The following KCTD1 variants were observed in gnomAD, a reference collection of about 807,000 sequenced individuals.
KCTD1 encodes BTB/POZ domain-containing protein KCTD1.
Under a neutral mutation model 66.0 loss-of-function variants are expected in KCTD1, and 24 were observed. The observed-to-expected ratio is 0.36, with a 90% CI of 0.26 to 0.51. The LOEUF is 0.51. Ranked by LOEUF, KCTD1 falls within the 20% of genes least tolerant of loss-of-function variation. The probability of loss-of-function intolerance (pLI) is 0.95; values close to 1 mark genes in which losing one functional copy is unlikely to be tolerated. For synonymous variants in KCTD1, 511 were observed against 517.2 expected (o/e 0.99, Z 0.16); for missense variants, 943 against 1,205.2 (o/e 0.78, Z 3.22).
chr18:26,618,766 C>A (rs1487919122), intron 1 of KCTD1, among the ~76,000 whole-genome samples: 2 of 152,212 alleles, frequency 1.3e-5, no homozygotes, highest in Non-Finnish European at 2.9e-5. Context: ...CTATTTTCAA[C>A]TATTTTCCAA....
In KCTD1 at chr18:26,534,220, C is replaced by A. The variant is rs942875466; in HGVS notation, c.1809+12508G>T. ...TACTTAGAGTTTGTTCAAAATTAAT[C>A]CTTTAAATATTTTACATAAAGCATA... On this transcript the variant is annotated intron_variant, in intron 1 of 4. Coordinates refer to ENST00000580059, the MANE Select transcript of KCTD1 (RefSeq NM_001142730.3). Among the ~76,000 whole-genome samples, 4 of 151,928 alleles carry A rather than the reference C, an allele frequency of 2.6e-5. 1 individual carries two copies. The highest frequency in any genetic ancestry group is 9.6e-5 in the African/African-American group (4 of 41,478).
At chr18:26,643,986 G>T (rs1278315968), upstream of KCTD1, among the ~76,000 whole-genome samples, 2 of 151,992 alleles carry the variant, frequency 1.3e-5, no homozygotes, top group Non-Finnish European at 2.9e-5. Flanking sequence ...GCCTGCTAAG[G>T]TGAGCTAACA....
chr18:26,510,828 T>C (rs769838868), intron 1 of KCTD1, among the ~76,000 whole-genome samples: 4 of 152,222 alleles, frequency 2.6e-5, no homozygotes, highest in Non-Finnish European at 5.9e-5. Context: ...TATTCACTTT[T>C]AAAAAGTTAA....
At chr18:26,643,824 T>C (rs1202794394), upstream of KCTD1, among the ~76,000 whole-genome samples, 2 of 152,126 alleles carry the variant, frequency 1.3e-5, no homozygotes, top group East Asian at 1.9e-4. Flanking sequence ...TAGCCGGGCT[T>C]GGTGGCGGGT....
intron 1 of KCTD1, among the ~76,000 whole-genome samples, chr18:26,583,648 T>G (rs1028104931): frequency 1.3e-5 from 2 of 152,244 alleles, no homozygotes; most frequent in Non-Finnish European, 2.9e-5. Context: ...GATAAAAGTT[T>G]ATTTCATCTG....
chr18:26,465,032 G>T (rs1007546441), intron 3 of KCTD1, among the ~76,000 whole-genome samples: 1 of 152,170 alleles, frequency 6.6e-6, no homozygotes, highest in African/African-American at 2.4e-5. Context: ...TTTTTTCAGT[G>T]TTTAGGGTAC....
At chr18:26,617,093 A>C (rs1987272129) in intron 1 of KCTD1, among the ~76,000 whole-genome samples, 1 of 152,202 alleles carries the variant, frequency 6.6e-6, no homozygotes, top group African/African-American at 2.4e-5. Flanking sequence ...AAGGAAGAGA[A>C]AGGGGTGGGA....
At chr18:26,483,941 A>G (rs1981783458) in intron 2 of KCTD1, among the ~76,000 whole-genome samples, 1 of 152,210 alleles carries the variant, frequency 6.6e-6, no homozygotes, top group Non-Finnish European at 1.5e-5. Flanking sequence ...TGCTAGGTTA[A>G]TATATGAAAC....
At chr18:26,513,188 C>T (rs1475579266) in intron 1 of KCTD1, among the ~76,000 whole-genome samples, 2 of 150,752 alleles carry the variant, frequency 1.3e-5, no homozygotes, top group East Asian at 2.0e-4. Context: ...CCCGGGTTCA[C>T]GCCATTCTCC....
chr18:26,470,003 T>C (rs1980965848), intron 3 of KCTD1, among the ~76,000 whole-genome samples: 2 of 152,146 alleles, frequency 1.3e-5, no homozygotes, highest in East Asian at 3.9e-4. Flanking sequence ...AGTGAAGATA[T>C]ATACACAAAA....
rs557370978 is a variant in KCTD1 at position 26,526,585 on chromosome 18, T to C, written c.1809+20143A>G. Among the ~76,000 whole-genome samples, 15 of 152,188 alleles carry C rather than the reference T, an allele frequency of 9.9e-5. No homozygotes were observed. The South Asian group carries it at 1.7e-3, about 17-fold the overall frequency. On this transcript the variant is annotated intron_variant, in intron 1 of 4. Transcript: ENST00000580059. ...AGCCAAGAGAAAGATGCTAGGGAAA[T>C]AGAAATATGGCAAAATCAGAAAGAG... is the stretch of plus-strand genomic sequence containing the variant.
At chr18:26,599,701 A>G (rs1986845911) in intron 1 of KCTD1, 4 of 1,508,072 alleles carry the variant, frequency 2.7e-6, no homozygotes, top group Non-Finnish European at 3.7e-6. Flanking sequence ...AAGAGCCAGT[A>G]GAGACAGCTG....
chr18:26,548,713 G>A (rs1318261238), upstream of KCTD1: 12 of 903,626 alleles, frequency 1.3e-5, no homozygotes, highest in African/African-American at 2.0e-4. Context: ...GGCGCGCAGG[G>A]GATGGAGGGG....
At position 26,636,394 on chromosome 18, in the gene KCTD1, C is replaced by T. The variant is rs116038492; in HGVS notation, c.-107+3917G>A. 6.8e-3 allele frequency among the ~76,000 whole-genome samples: 1,032 copies of T among 152,184 alleles called. 19 individuals are homozygous for T. The highest frequency in any genetic ancestry group is 0.024 in the African/African-American group (988 of 41,504). The stretch of plus-strand genomic sequence containing the variant: ...CCCTTCGACCTGAGCAAGCTGGGAC[C>T]CTGTGCCTCTCAGGGCTCCTCACAT... On this transcript the variant is annotated intron_variant, in intron 1 of 5. Coordinates refer to the KCTD1 transcript ENST00000579973.
At position 26,476,156 on chromosome 18, in the gene KCTD1, T is replaced by C. The variant is rs1981336448; in HGVS notation, c.2133+359A>G. Among the ~76,000 whole-genome samples, 1 of 152,212 alleles carries C rather than the reference T, an allele frequency of 6.6e-6. No homozygotes were observed. The highest frequency in any genetic ancestry group is 2.4e-5 in the African/African-American group (1 of 41,452). ...AAGAATTCTAAAATTTTACTGTTCATGTTTGCTTTCGATTTCTAGGGGCGG... is the reference window on the plus strand; with the variant it reads ...AAGAATTCTAAAATTTTACTGTTCACGTTTGCTTTCGATTTCTAGGGGCGG... On this transcript the variant is annotated intron_variant, in intron 3 of 4. Coordinates refer to ENST00000580059, the MANE Select transcript of KCTD1 (RefSeq NM_001142730.3). This position sits in a 1 kb window ranked among gnomAD's most constrained non-coding sequence, Gnocchi z 4.9.
chr18:26,481,157 G>A (rs1180398364), intron 2 of KCTD1, among the ~76,000 whole-genome samples: 4 of 152,174 alleles, frequency 2.6e-5, no homozygotes, highest in Non-Finnish European at 5.9e-5. Flanking sequence ...AGGGGATGCA[G>A]TAGTAAATAA....
rs974505384 is a variant in KCTD1, at chr18:26,548,045, C to T, written c.492G>A (p.Glu164=). 6.6e-7 allele frequency: 1 copy of T among 1,508,134 alleles called. No homozygotes were observed. The highest frequency in any genetic ancestry group is 1.4e-5 in the African/African-American group (1 of 72,512). The allele number at this position is 1,508,134 out of a possible 1,614,324, so 93.4% of individuals were successfully genotyped here. The part of the protein sequence containing the change: ...ELDPDVLQRP[E]RARLSENTRL... Reference sequence around the variant, plus strand: ...GGGTGTTCTCGCTCAGCCGGGCCCGCTCGGGGCGCTGCAGCACGTCGGGGT... The same window carrying T: ...GGGTGTTCTCGCTCAGCCGGGCCCGTTCGGGGCGCTGCAGCACGTCGGGGT... Residue 164 remains glutamate (E), a synonymous_variant, in exon 1 of 5, where the codon GAG becomes GAA. Transcript: ENST00000580059.
chr18:26,489,147 C>A (rs917911508), intron 2 of KCTD1, among the ~76,000 whole-genome samples: 2 of 152,208 alleles, frequency 1.3e-5, no homozygotes, highest in African/African-American at 4.8e-5. Context: ...CAAACTGTCA[C>A]CACTTCCTAT....
At chr18:26,567,681 G>A (rs893122244) in intron 1 of KCTD1, among the ~76,000 whole-genome samples, 31 of 151,994 alleles carry the variant, frequency 2.0e-4, no homozygotes, top group Middle Eastern at 3.4e-3. Flanking sequence ...AGAGACGAGG[G>A]TTTCACCATG....
Sources: allele counts gnomAD v4.1 joint callset (sites outside exome capture counted in the v4.1 genomes callset), GRCh38; gene constraint gnomAD v4.1.1; non-coding constraint Gnocchi (gnomAD v3.1); transcripts MANE v1.5; gene names NCBI Gene and HGNC (gene_info 2026-07-23, HGNC 2026-07-21).